ATP9B: variants seen among roughly 807,000 people sequenced by gnomAD.
ATP9B encodes the protein ATPase phospholipid transporting 9B.
Under a neutral mutation model 146.1 loss-of-function variants are expected in ATP9B, and 110 were observed. The observed-to-expected ratio is 0.75, with a 90% CI of 0.65 to 0.88. The LOEUF (loss-of-function observed/expected upper bound fraction) is 0.88, where lower values mean the gene tolerates loss of function less well. ATP9B is among the 40% of genes least tolerant of loss of function. The pLI, the probability that ATP9B is intolerant of heterozygous loss-of-function variation, is 0.00. For synonymous variants in ATP9B, 604 were observed against 569.7 expected (o/e 1.06, Z -0.86); for missense variants, 1,499 against 1,496.4 (o/e 1.00, Z -0.03).
At chr18:79,234,249 G>GT (rs916201745) in intron 11 of ATP9B, among the ~76,000 whole-genome samples, 22 of 152,152 alleles carry the variant, frequency 1.4e-4, no homozygotes, top group African/African-American at 4.8e-4. Flanking sequence ...GTAAACATGG[G>GT]TTTTTTTAAC....
At chr18:79,180,127 T>G (rs1301233156) in intron 8 of ATP9B, among the ~76,000 whole-genome samples, 2 of 152,202 alleles carry the variant, frequency 1.3e-5, no homozygotes, top group African/African-American at 4.8e-5. Flanking sequence ...CATTAGTGTG[T>G]GTTTTATATA....
chr18:79,093,718 G>A lies in ATP9B; in HGVS notation c.120-2758G>A, dbSNP rs1249983199. On this transcript the variant is annotated intron_variant, in intron 1 of 29. Coordinates refer to ENST00000426216, the MANE Select transcript of ATP9B (RefSeq NM_198531.5). ...AGAAATAGTGTGTATGCATGGGTGC[G>A]TGTGCACACACCCCCTCCCCCATCT... 3.9e-5 allele frequency among the ~76,000 whole-genome samples: 6 copies of A among 152,032 alleles called. No homozygotes were observed. The East Asian group carries it at 7.7e-4, about 20-fold the overall frequency.
intron 1 of ATP9B, among the ~76,000 whole-genome samples, chr18:79,073,695 T>C (rs589841): frequency 0.39 from 58,863 of 151,910 alleles, 11,836 homozygotes; most frequent in East Asian, 0.52. Context: ...AGGGAGAGGG[T>C]AATTCCCTAA....
chr18:79,177,802 C>G (rs2095197332), intron 8 of ATP9B, among the ~76,000 whole-genome samples: 1 of 152,216 alleles, frequency 6.6e-6, no homozygotes, highest in South Asian at 2.1e-4. Flanking sequence ...ATTGTCCAAG[C>G]TGCTTCTCTG....
At chr18:79,129,448 G>T (rs73484091) in intron 5 of ATP9B, among the ~76,000 whole-genome samples, 5,887 of 152,252 alleles carry the variant, frequency 0.039, 136 homozygotes, top group Non-Finnish European at 0.04. Flanking sequence ...CTGCCGCACA[G>T]AGCCAGGCTC....
chr18:79,371,361 A>C (rs1268207518), intron 26 of ATP9B, among the ~76,000 whole-genome samples: 3 of 126,736 alleles, frequency 2.4e-5, no homozygotes, highest in African/African-American at 3.1e-5. Flanking sequence ...AAAGAGCAAG[A>C]CTCCGTCTTA....
chr18:79,371,457 G>A (rs1178907363), intron 26 of ATP9B, among the ~76,000 whole-genome samples: 1 of 151,200 alleles, frequency 6.6e-6, no homozygotes, highest in African/African-American at 2.4e-5. Context: ...ATTCACGTGT[G>A]AGGGCTCAAG....
At position 79,239,488 on chromosome 18, in the gene ATP9B, C is replaced by T. The variant is rs561332356; in HGVS notation, c.1108-13893C>T. Among the ~76,000 whole-genome samples, 1 of 152,164 alleles carries T rather than the reference C, an allele frequency of 6.6e-6. No homozygotes were observed. The highest frequency in any genetic ancestry group is 1.5e-5 in the Non-Finnish European group (1 of 68,026). On this transcript the variant is annotated intron_variant, in intron 11 of 29. Transcript: ENST00000426216. This position sits in a 1 kb window ranked among gnomAD's most constrained non-coding sequence, Gnocchi z 5.1. ...CCAGCCAAGTCTGCTGTGGCAGGGACAGGGACGTAGGACGATGGTGTCACG... is the reference window on the plus strand; with the variant it reads ...CCAGCCAAGTCTGCTGTGGCAGGGATAGGGACGTAGGACGATGGTGTCACG...
intron 10 of ATP9B, among the ~76,000 whole-genome samples, chr18:79,207,286 T>G (rs1432297736): frequency 1.3e-5 from 2 of 152,210 alleles, no homozygotes; most frequent in African/African-American, 2.4e-5. Context: ...TGTTCGTCTT[T>G]GACCTGTTTC....
chr18:79,098,189 T>G (rs2074967547), intron 2 of ATP9B, among the ~76,000 whole-genome samples: 1 of 152,104 alleles, frequency 6.6e-6, no homozygotes, highest in East Asian at 1.9e-4. Flanking sequence ...TAGCCATATG[T>G]AGAAAGCTGA....
At chr18:79,129,780 G>C (rs1459531776) in intron 5 of ATP9B, among the ~76,000 whole-genome samples, 1 of 150,478 alleles carries the variant, frequency 6.6e-6, no homozygotes, top group African/African-American at 2.5e-5. Flanking sequence ...GTTTTGCTCT[G>C]TTGCCCAGGC....
chr18:79,274,943 G>C (rs1178706748), intron 12 of ATP9B, among the ~76,000 whole-genome samples: 1 of 152,218 alleles, frequency 6.6e-6, no homozygotes, highest in Non-Finnish European at 1.5e-5. Context: ...TCGTGATTGA[G>C]GAGCAGCGCC....
Position 79,176,797 on chromosome 18 carries a change from A to C in ATP9B, c.779-16A>C. On this transcript the variant is annotated splice_polypyrimidine_tract_variant and intron_variant, in intron 7 of 29. Transcript: ENST00000426216. ...AACAATTCAAGAGTGGTAAATTTTT[A>C]TTCTCTACTTCCAAGGTTCGTGTTT... is the stretch of plus-strand genomic sequence containing the variant. 3 of 1,610,954 alleles carry C rather than the reference A, an allele frequency of 1.9e-6. No individual in the cohort carries two copies. The highest frequency in any genetic ancestry group is 2.5e-6 in the Non-Finnish European group (3 of 1,177,326).
chr18:79,346,105 G>A (rs1245073593), intron 23 of ATP9B, among the ~76,000 whole-genome samples: 4 of 138,780 alleles, frequency 2.9e-5, no homozygotes, highest in Middle Eastern at 5.4e-3. Flanking sequence ...CTCGGCACAC[G>A]GTCATCACAC....
intron 2 of ATP9B, among the ~76,000 whole-genome samples, chr18:79,101,713 T>C (rs1210685404): frequency 3.3e-5 from 5 of 152,222 alleles, no homozygotes; most frequent in Admixed American, 2.0e-4. Flanking sequence ...CTAGTAGATA[T>C]GGAGTGATGG....
intron 15 of ATP9B, among the ~76,000 whole-genome samples, chr18:79,312,913 A>T (rs2096660728): frequency 6.6e-6 from 1 of 152,228 alleles, no homozygotes. Flanking sequence ...AATTGGGATC[A>T]GTTGAAGTAT....
In ATP9B at chr18:79,160,364, A is replaced by G. The variant is rs568233466; in HGVS notation, c.778+5809A>G. 1.6e-4 allele frequency among the ~76,000 whole-genome samples: 24 copies of G among 152,334 alleles called. No individual in the cohort carries two copies. In the East Asian group the frequency reaches 3.3e-3, roughly 21 times the overall value. ...CTTCTCATTGCAGTTACACAGAAGT[A>G]TATTTTCAGAGGTTTTTATACTGCC... On this transcript the variant is annotated intron_variant, in intron 7 of 29. Transcript: ENST00000426216.
At chr18:79,200,034 C>T (rs896752703) in intron 9 of ATP9B, among the ~76,000 whole-genome samples, 1 of 152,202 alleles carries the variant, frequency 6.6e-6, no homozygotes, top group East Asian at 1.9e-4. Flanking sequence ...TATAGTAACA[C>T]ATAAACTAGT....
intron 14 of ATP9B, among the ~76,000 whole-genome samples, chr18:79,304,270 T>C (rs1461049507): frequency 6.6e-6 from 1 of 152,156 alleles, no homozygotes; most frequent in East Asian, 1.9e-4. Flanking sequence ...TGTAAATATG[T>C]ATTATGTGCC....
Sources: gnomAD v4.1 joint callset for allele counts (sites outside exome capture counted in the v4.1 genomes callset) on GRCh38, gnomAD v4.1.1 for gene constraint, Gnocchi (gnomAD v3.1) non-coding constraint, MANE v1.5 for transcripts, NCBI Gene and HGNC (gene_info 2026-07-23, HGNC 2026-07-21) for gene names.